The following CNTNAP5 variants were observed in gnomAD, a reference collection of about 807,000 sequenced individuals.
CNTNAP5 encodes the protein contactin-associated protein-like 5.
A neutral mutation model predicts 150.2 loss-of-function variants in CNTNAP5; 72 were observed. The ratio of observed to expected loss-of-function variants is 0.48; its 90% CI spans 0.40 to 0.58. CNTNAP5 has a LOEUF of 0.58. Ranked by LOEUF, CNTNAP5 falls within the 20% of genes least tolerant of loss-of-function variation. CNTNAP5 has a pLI of 0.00. For synonymous variants in CNTNAP5, 672 were observed against 619.8 expected (o/e 1.08, Z -1.25); for missense variants, 1,636 against 1,626.2 (o/e 1.01, Z -0.10).
At chr2:124,503,716 T>C (rs1278365493) in intron 7 of CNTNAP5, among the ~76,000 whole-genome samples, 2 of 152,220 alleles carry the variant, frequency 1.3e-5, no homozygotes, top group Non-Finnish European at 2.9e-5. Context: ...CGGACCTTCC[T>C]GTCCCACGAA....
At chr2:124,248,016 A>T (rs545329486) in intron 3 of CNTNAP5, among the ~76,000 whole-genome samples, 2 of 152,208 alleles carry the variant, frequency 1.3e-5, no homozygotes, top group African/African-American at 4.8e-5. Context: ...TAAAAGCTCA[A>T]TTAAGAACTT....
chr2:124,409,007 A>G (rs1355028120), intron 3 of CNTNAP5, among the ~76,000 whole-genome samples: 1 of 140,236 alleles, frequency 7.1e-6, no homozygotes, highest in Admixed American at 7.3e-5. Context: ...AGAAGAATGT[A>G]TAACTAGAAT....
chr2:124,474,520 G>A (rs1336294503), intron 6 of CNTNAP5, among the ~76,000 whole-genome samples: 1 of 151,982 alleles, frequency 6.6e-6, no homozygotes, highest in African/African-American at 2.4e-5. Flanking sequence ...AGTGAAAATG[G>A]TTGTGTAAAA....
Position 124,245,785 on chromosome 2 carries a change from G to A in CNTNAP5, c.381+3392G>A, listed in dbSNP as rs558192256. Among the ~76,000 whole-genome samples, 17 of 151,874 alleles carry A rather than the reference G, an allele frequency of 1.1e-4. No homozygotes were observed. The East Asian group carries it at 1.5e-3, about 14-fold the overall frequency. On this transcript the variant is annotated intron_variant, in intron 3 of 23. Coordinates refer to ENST00000682447, the MANE Select transcript of CNTNAP5 (RefSeq NM_001367498.1). Reference sequence around the variant, plus strand: ...TACTCTGTCACTCAGGCTGGAGTGCGGTGGCACTTATCATAGCTGACTGTA... The same window carrying A: ...TACTCTGTCACTCAGGCTGGAGTGCAGTGGCACTTATCATAGCTGACTGTA...
rs576846864 is a variant in CNTNAP5 at position 124,795,302 on chromosome 2, C to T, written c.2993-2794C>T. ...TACAGGCCCCATGGAGGCTCAGAGACGCACCTTCCAGTACCATCCCATTTC... is the reference window on the plus strand; with the variant it reads ...TACAGGCCCCATGGAGGCTCAGAGATGCACCTTCCAGTACCATCCCATTTC... On this transcript the variant is annotated intron_variant, in intron 18 of 23. Transcript: ENST00000682447. Among the ~76,000 whole-genome samples the T allele has an allele frequency of 9.9e-5, 15 of 152,224 alleles. No individual in the cohort carries two copies. In the South Asian group the frequency reaches 2.3e-3, roughly 23 times the overall value.
chr2:124,744,104 C>T (rs1573587904), intron 13 of CNTNAP5, among the ~76,000 whole-genome samples: 1 of 152,270 alleles, frequency 6.6e-6, no homozygotes, highest in East Asian at 1.9e-4. Flanking sequence ...TGTGTCCCCA[C>T]CCAAATCTCA....
At chr2:124,769,315 A>G (rs1318391917) in intron 16 of CNTNAP5, among the ~76,000 whole-genome samples, 4 of 152,066 alleles carry the variant, frequency 2.6e-5, no homozygotes, top group African/African-American at 9.7e-5. Context: ...GTCTTCTCAA[A>G]AGTAAATCAT....
At chr2:124,139,926 G>GT (rs1684068516) in intron 1 of CNTNAP5, among the ~76,000 whole-genome samples, 1 of 152,150 alleles carries the variant, frequency 6.6e-6, no homozygotes, top group African/African-American at 2.4e-5. Context: ...AGGCCAGTGT[G>GT]TGCGCGCACC....
In CNTNAP5 at chr2:124,340,809, GTATA is replaced by G. The variant is rs138288829; in HGVS notation, c.382-76618_382-76615del. On this transcript the variant is annotated intron_variant, in intron 3 of 23. Coordinates refer to ENST00000682447, the MANE Select transcript of CNTNAP5 (RefSeq NM_001367498.1). ...CACATACATATATATATGTATACAT[GTATA>G]TATATATATATATATGCGTGTGCGT... 1.5e-4 allele frequency among the ~76,000 whole-genome samples: 21 copies of G among 142,920 alleles called. 1 individual carries two copies. The highest frequency in any genetic ancestry group is 4.2e-4 in the East Asian group (2 of 4,808). The allele number at this position is 142,920 out of a possible 152,430, so 93.8% of individuals were successfully genotyped here.
chr2:124,105,866 A>AT (rs1040491873), intron 1 of CNTNAP5, among the ~76,000 whole-genome samples: 1 of 151,940 alleles, frequency 6.6e-6, no homozygotes, highest in African/African-American at 2.4e-5. Flanking sequence ...CCTAGTGATT[A>AT]TTTTTTTGAG....
chr2:124,716,747 G>A (rs1367545298), intron 13 of CNTNAP5, among the ~76,000 whole-genome samples: 2 of 152,068 alleles, frequency 1.3e-5, no homozygotes, highest in Admixed American at 6.6e-5. Flanking sequence ...TAGATGAAGA[G>A]TAAATAGAAA....
At chr2:124,824,533 G>A (rs923975058) in intron 19 of CNTNAP5, among the ~76,000 whole-genome samples, 1 of 152,110 alleles carries the variant, frequency 6.6e-6, no homozygotes, top group Non-Finnish European at 1.5e-5. Flanking sequence ...AGAGATCAGG[G>A]GAGGCTTCAC....
intron 3 of CNTNAP5, among the ~76,000 whole-genome samples, chr2:124,328,980 A>G (rs556053767): frequency 2.0e-5 from 3 of 152,318 alleles, no homozygotes; most frequent in Non-Finnish European, 1.5e-5. Flanking sequence ...GAAGGGCCAG[A>G]TGGCTGAAGC....
chr2:124,236,800 A>T (rs1166199174), intron 2 of CNTNAP5, among the ~76,000 whole-genome samples: 1 of 146,498 alleles, frequency 6.8e-6, no homozygotes, highest in African/African-American at 2.5e-5. Flanking sequence ...TTTAGGCTTT[A>T]AAAAAAAAAA....
intron 13 of CNTNAP5, among the ~76,000 whole-genome samples, chr2:124,661,058 G>A (rs2105044992): frequency 7.3e-6 from 1 of 137,562 alleles, no homozygotes; most frequent in East Asian, 1.9e-4. Flanking sequence ...AGGCAGAGAG[G>A]GAATGATGTG....
At chr2:124,662,777 T>C (rs1366124328) in intron 13 of CNTNAP5, among the ~76,000 whole-genome samples, 1 of 152,236 alleles carries the variant, frequency 6.6e-6, no homozygotes, top group Non-Finnish European at 1.5e-5. Flanking sequence ...GAACATACTA[T>C]ACGTAGTTGA....
chr2:124,401,548 T>C (rs773916389), intron 3 of CNTNAP5, among the ~76,000 whole-genome samples: 6 of 152,378 alleles, frequency 3.9e-5, no homozygotes, highest in South Asian at 4.1e-4. Context: ...AATTAGTGTT[T>C]GGTTGTTAAA....
chr2:124,178,426 T>C (rs1685121288), intron 1 of CNTNAP5, among the ~76,000 whole-genome samples: 1 of 152,210 alleles, frequency 6.6e-6, no homozygotes, highest in Non-Finnish European at 1.5e-5. Flanking sequence ...ATTCAGTTTC[T>C]AGGACTACAA....
chr2:124,377,137 T>C (rs1442359820), intron 3 of CNTNAP5, among the ~76,000 whole-genome samples: 1 of 151,998 alleles, frequency 6.6e-6, no homozygotes, highest in Non-Finnish European at 1.5e-5. Flanking sequence ...ACCACTAAGG[T>C]TTTGGATGAG....
Sources: allele counts gnomAD v4.1 joint callset (sites outside exome capture counted in the v4.1 genomes callset), GRCh38; gene constraint gnomAD v4.1.1; transcripts MANE v1.5; gene names NCBI Gene and HGNC (gene_info 2026-07-23, HGNC 2026-07-21).